The following BNC2 variants were observed in gnomAD, a reference collection of about 807,000 sequenced individuals.
BNC2 encodes the protein basonuclin zinc finger protein 2, also known as zinc finger protein basonuclin-2.
BNC2 carries 20 observed loss-of-function variants against 76.3 expected under a neutral mutation model. That is an observed-to-expected ratio of 0.26 (90% CI 0.18 to 0.38). BNC2 has a LOEUF of 0.38. Among genes scored for constraint, BNC2 ranks in the 10% least tolerant of loss-of-function variants. BNC2 has a pLI of 1.00. For synonymous variants in BNC2, 582 were observed against 514.8 expected (o/e 1.13, Z -1.77); for missense variants, 1,382 against 1,399.8 (o/e 0.99, Z 0.20).
intron 1 of BNC2, among the ~76,000 whole-genome samples, chr9:16,753,611 C>A (rs1408400102): frequency 6.6e-6 from 1 of 152,192 alleles, no homozygotes; most frequent in East Asian, 1.9e-4. Context: ...CAGTATCAAT[C>A]ACACTGCCAA....
rs370501982 is a variant in BNC2, at chr9:16,634,263, T to C, written c.331-51178A>G. Among the ~76,000 whole-genome samples the C allele has an allele frequency of 1.6e-4, 25 of 152,324 alleles. No individual in the cohort carries two copies. The East Asian group carries it at 4.6e-3, about 28-fold the overall frequency. On this transcript the variant is annotated intron_variant, in intron 3 of 6. Transcript: ENST00000380672. ...TTTTTCCTTCAATATACTGTATCTA[T>C]TCCTCTATTATTAAGTTCTGAGCTT...
intron 5 of BNC2, among the ~76,000 whole-genome samples, chr9:16,505,304 A>AT: frequency 6.6e-6 from 1 of 152,264 alleles, no homozygotes; most frequent in South Asian, 2.1e-4. Context: ...CAGTACTGAC[A>AT]TTTTTTGCTC....
intron 1 of BNC2, among the ~76,000 whole-genome samples, chr9:16,851,502 T>C (rs1358014166): frequency 6.6e-6 from 1 of 152,108 alleles, no homozygotes; most frequent in Non-Finnish European, 1.5e-5. Flanking sequence ...TGAGACCCTG[T>C]CTCAAAAAAA....
intron 2 of BNC2, 84 bp downstream of exon 2, chr9:16,738,276 G>C: frequency 7.0e-7 from 1 of 1,430,902 alleles, no homozygotes; most frequent in Non-Finnish European, 9.8e-7. Context: ...AGAAAGAAGA[G>C]GTGAGAGATA....
rs80035869 is a variant in BNC2 at position 16,492,486 on chromosome 9, T to A, written c.670-54962A>T. On this transcript the variant is annotated intron_variant, in intron 5 of 6. Transcript: ENST00000380672. ...CTTCAACTGATTAACTGGCTGTTGG[T>A]CCTGGTTGTGAAAACAGGAGGAATT... Among the ~76,000 whole-genome samples, 173 of 152,356 alleles carry A rather than the reference T, an allele frequency of 1.1e-3. 5 individuals are homozygous for A. In the East Asian group the frequency reaches 0.03, roughly 27 times the overall value.
chr9:16,512,761 C>A (rs1288103409), intron 5 of BNC2, among the ~76,000 whole-genome samples: 6 of 152,264 alleles, frequency 3.9e-5, no homozygotes, highest in Non-Finnish European at 8.8e-5. Context: ...ATCATCTCAA[C>A]CATCAATTAG....
At chr9:16,718,667 T>C (rs1316448172) in intron 3 of BNC2, among the ~76,000 whole-genome samples, 1 of 152,136 alleles carries the variant, frequency 6.6e-6, no homozygotes, top group Non-Finnish European at 1.5e-5. Flanking sequence ...ACACTGAGTT[T>C]CACCAAAAAG....
chr9:16,860,151 T>C lies in BNC2; in HGVS notation c.3+10495A>G, dbSNP rs76483531. On this transcript the variant is annotated intron_variant, in intron 1 of 6. Transcript: ENST00000380672. ...AAAAAAAAGGATTAACAAGATACAT[T>C]TTACGTTGTTTTCTACCACAATCCA... Among the ~76,000 whole-genome samples the C allele has an allele frequency of 1.5e-3, 225 of 152,198 alleles. 2 individuals are homozygous for C. Among genetic ancestry groups the C allele is most frequent in the African/African-American group, 5.1e-3 (212 of 41,532 alleles).
chr9:16,637,704 C>T (rs1215500492), intron 3 of BNC2, among the ~76,000 whole-genome samples: 5 of 152,168 alleles, frequency 3.3e-5, no homozygotes, highest in Non-Finnish European at 1.5e-5. Context: ...ATCTAACACA[C>T]CTGTAGGGCA....
At position 16,436,019 on chromosome 9, in the gene BNC2, C is replaced by T; in HGVS notation, c.2175G>A (p.Glu725=). The T allele has an allele frequency of 6.2e-7, 1 of 1,614,192 alleles. No homozygotes were observed. Among genetic ancestry groups the T allele is most frequent in the Non-Finnish European group, 8.5e-7 (1 of 1,180,042 alleles). The change falls in exon 6 of 7, where the codon GAG becomes GAA. Residue 725 remains glutamate (E), a synonymous_variant. Coordinates refer to ENST00000380672, the MANE Select transcript of BNC2 (RefSeq NM_017637.6). ...DQEPERDYEN[E]SESSEPKLGE... is the part of the protein sequence containing the mutation. ...CCAGTTTGGGCTCCGAAGACTCAGA[C>T]TCGTTCTCATAGTCCCGCTCAGGTT...
intron 1 of BNC2, among the ~76,000 whole-genome samples, chr9:16,759,467 G>C (rs926935143): frequency 6.6e-6 from 1 of 151,992 alleles, no homozygotes; most frequent in Non-Finnish European, 1.5e-5. Flanking sequence ...CTTGATAGAA[G>C]TTTATAAACT....
In BNC2 at chr9:16,501,468, T is replaced by C. The variant is rs547785369; in HGVS notation, c.669+51062A>G. Among the ~76,000 whole-genome samples the C allele has an allele frequency of 1.3e-4, 20 of 152,096 alleles. No individual in the cohort carries two copies. In the East Asian group the frequency reaches 2.7e-3, roughly 21 times the overall value. ...ACATTTTACCATCACAACCACTCAG[T>C]GAGATGGATGGATAGATGGCTGGGT... On this transcript the variant is annotated intron_variant, in intron 5 of 6. Transcript: ENST00000380672.
At chr9:16,680,694 T>C (rs971444638) in intron 3 of BNC2, among the ~76,000 whole-genome samples, 2 of 151,180 alleles carry the variant, frequency 1.3e-5, no homozygotes, top group African/African-American at 4.9e-5. Flanking sequence ...GAACATGAGC[T>C]ATAAGGGCAT....
intron 6 of BNC2, 121 bp downstream of exon 6, chr9:16,435,434 G>A: frequency 8.3e-7 from 1 of 1,207,590 alleles, no homozygotes; most frequent in Non-Finnish European, 1.2e-6. Flanking sequence ...TGATCACTGT[G>A]GACAATCTTT....
chr9:16,530,470 T>C (rs951093362), intron 5 of BNC2, among the ~76,000 whole-genome samples: 1 of 152,126 alleles, frequency 6.6e-6, no homozygotes, highest in Non-Finnish European at 1.5e-5. Context: ...CTGGATTTTC[T>C]CTCTCATAAA....
At chr9:16,510,988 A>G (rs1822740741) in intron 5 of BNC2, among the ~76,000 whole-genome samples, 1 of 152,230 alleles carries the variant, frequency 6.6e-6, no homozygotes, top group Admixed American at 6.5e-5. Context: ...CTGTCAGGAA[A>G]CACACATTTG....
intron 1 of BNC2, among the ~76,000 whole-genome samples, chr9:16,799,446 C>G (rs915535469): frequency 2.2e-4 from 34 of 152,198 alleles, no homozygotes; most frequent in Non-Finnish European, 3.8e-4. Context: ...TCCCAAGTAG[C>G]TGGGATTACC....
At chr9:16,474,092 G>A (rs1224476599) in intron 5 of BNC2, among the ~76,000 whole-genome samples, 2 of 152,242 alleles carry the variant, frequency 1.3e-5, no homozygotes, top group South Asian at 2.1e-4. Context: ...CTTGACTGAT[G>A]TAGCATTTGC....
chr9:16,494,168 T>C (rs1193944973), intron 5 of BNC2, among the ~76,000 whole-genome samples: 1 of 152,096 alleles, frequency 6.6e-6, no homozygotes. Flanking sequence ...TTTTCTTTTT[T>C]TTGGAGACGG....
Sources: allele counts gnomAD v4.1 joint callset (sites outside exome capture counted in the v4.1 genomes callset), GRCh38; gene constraint gnomAD v4.1.1; transcripts MANE v1.5; gene names NCBI Gene and HGNC (gene_info 2026-07-23, HGNC 2026-07-21).